Variants in PDE4D observed in about 807,000 individuals in gnomAD.
PDE4D encodes the protein phosphodiesterase 4D, also known as 3',5'-cyclic-AMP phosphodiesterase 4D.
A neutral mutation model predicts 87.4 loss-of-function variants in PDE4D; 24 were observed. That is an observed-to-expected ratio of 0.27 (90% CI 0.20 to 0.39). PDE4D has a LOEUF of 0.39. PDE4D is among the 10% of genes least tolerant of loss of function. The probability of loss-of-function intolerance (pLI) is 1.00; values close to 1 mark genes in which losing one functional copy is unlikely to be tolerated. For synonymous variants in PDE4D, 384 were observed against 383.2 expected, an observed-to-expected ratio of 1.00 and a Z score of -0.02; for missense variants, 714 against 1,041.0, an observed-to-expected ratio of 0.69 and a Z score of 4.32.
chr5:60,277,210 TACAAG>T (rs1192246914), intron 1 of PDE4D, among the ~76,000 whole-genome samples: 1 of 152,062 alleles, frequency 6.6e-6, no homozygotes, highest in Non-Finnish European at 1.5e-5. Flanking sequence ...TAAAAGCCAG[TACAAG>T]ACAAGGATCC....
intron 1 of PDE4D, among the ~76,000 whole-genome samples, chr5:59,698,378 C>T (rs1192644122): frequency 6.6e-6 from 1 of 151,984 alleles, no homozygotes; most frequent in Admixed American, 6.6e-5. Context: ...TTCTACATTG[C>T]ATGGATATTT....
intron 1 of PDE4D, among the ~76,000 whole-genome samples, chr5:59,669,595 A>C (rs997939316): frequency 6.6e-6 from 1 of 152,170 alleles, no homozygotes; most frequent in East Asian, 1.9e-4. Flanking sequence ...GAGTTTTTCT[A>C]TGGCATGCTG....
intron 3 of PDE4D, among the ~76,000 whole-genome samples, chr5:59,934,561 G>A (rs1322233977): frequency 1.3e-5 from 2 of 152,156 alleles, no homozygotes; most frequent in Non-Finnish European, 2.9e-5. Context: ...GAGAAGAGAT[G>A]GAGCCTTGAA....
Position 59,466,424 on chromosome 5 carries a change from TG to T in PDE4D, c.456-250457del, listed in dbSNP as rs150933637. 2.1e-3 allele frequency among the ~76,000 whole-genome samples: 324 copies of T among 152,320 alleles called. 11 individuals carry two copies. In the East Asian group the frequency reaches 0.051, roughly 24 times the overall value. The stretch of plus-strand genomic sequence containing the variant: ...CAAGCCCAAATTGTTTTCTGTGGTA[TG>T]AGGCTGGGTTCAATGCTCTTTACAC... On this transcript the variant is annotated intron_variant, in intron 1 of 14. Coordinates refer to ENST00000340635, the MANE Select transcript of PDE4D (RefSeq NM_001104631.2).
chr5:59,867,300 A>G (rs1747181092), intron 1 of PDE4D, among the ~76,000 whole-genome samples: 1 of 152,118 alleles, frequency 6.6e-6, no homozygotes, highest in Non-Finnish European at 1.5e-5. Flanking sequence ...GAAACTAATG[A>G]GCTTCAATGA....
At chr5:59,365,841 T>C (rs1782964524) in intron 1 of PDE4D, among the ~76,000 whole-genome samples, 1 of 152,188 alleles carries the variant, frequency 6.6e-6, no homozygotes, top group African/African-American at 2.4e-5. Context: ...GCTCACACAT[T>C]AAAACTGACA....
intron 11 of PDE4D, among the ~76,000 whole-genome samples, chr5:58,980,800 G>C (rs1318913542): frequency 6.6e-6 from 1 of 152,060 alleles, no homozygotes; most frequent in African/African-American, 2.4e-5. Flanking sequence ...ATAGACATAT[G>C]TATGAGTGTG....
chr5:58,989,505 T>C (rs577192908), intron 10 of PDE4D, among the ~76,000 whole-genome samples: 2 of 152,076 alleles, frequency 1.3e-5, no homozygotes, highest in East Asian at 3.9e-4. Flanking sequence ...CTTTATGAAA[T>C]GTTCAGTGGA....
chr5:60,334,246 C>T (rs886825492), intron 1 of PDE4D, among the ~76,000 whole-genome samples: 1 of 152,164 alleles, frequency 6.6e-6, no homozygotes, highest in Non-Finnish European at 1.5e-5. Flanking sequence ...TGGTAGCCCA[C>T]ATTCAATCAT....
chr5:60,042,523 G>A (rs920771708), intron 2 of PDE4D, among the ~76,000 whole-genome samples: 4 of 152,272 alleles, frequency 2.6e-5, no homozygotes, highest in South Asian at 2.1e-4. Flanking sequence ...AGCAGGGGTC[G>A]ACAGACACCT....
At chr5:59,063,825 G>A (rs541282871) in intron 5 of PDE4D, among the ~76,000 whole-genome samples, 6 of 152,266 alleles carry the variant, frequency 3.9e-5, no homozygotes, top group African/African-American at 1.4e-4. Context: ...TGGCAGGGGT[G>A]TGGGAAATGA....
chr5:60,261,622 A>T (rs1230745778), intron 1 of PDE4D, among the ~76,000 whole-genome samples: 2 of 152,152 alleles, frequency 1.3e-5, no homozygotes, highest in African/African-American at 4.8e-5. Context: ...GCTCATAATG[A>T]AAGAAAGAGG....
chr5:59,185,114 C>G, intron 4 of PDE4D, 75 bp downstream of exon 4: 1 of 1,122,616 alleles, frequency 8.9e-7, no homozygotes, highest in Non-Finnish European at 1.3e-6. Context: ...TAACATATTG[C>G]CTTGGGCTCA....
chr5:59,714,704 T>G (rs1338534617), intron 1 of PDE4D, among the ~76,000 whole-genome samples: 1 of 152,238 alleles, frequency 6.6e-6, no homozygotes, highest in Non-Finnish European at 1.5e-5. Context: ...AAGGTGACAG[T>G]GGACTTTCAT....
At chr5:60,272,242 A>C (rs535816939) in intron 1 of PDE4D, among the ~76,000 whole-genome samples, 1 of 152,340 alleles carries the variant, frequency 6.6e-6, no homozygotes, top group Admixed American at 6.5e-5. Flanking sequence ...ACATGGTAAA[A>C]CTAAGATGAC....
intron 2 of PDE4D, among the ~76,000 whole-genome samples, chr5:60,062,857 T>C (rs1331839085): frequency 1.3e-5 from 2 of 151,312 alleles, no homozygotes; most frequent in Non-Finnish European, 2.9e-5. Context: ...TAAGTGGGAG[T>C]TGAACAATGG....
intron 1 of PDE4D, among the ~76,000 whole-genome samples, chr5:59,337,112 A>T (rs1777800054): frequency 6.6e-6 from 1 of 152,138 alleles, no homozygotes; most frequent in South Asian, 2.1e-4. Context: ...GAACACAAAA[A>T]GAGGAGAAGG....
chr5:59,066,233 A>G (rs1475178204), intron 5 of PDE4D, among the ~76,000 whole-genome samples: 1 of 152,134 alleles, frequency 6.6e-6, no homozygotes, highest in Non-Finnish European at 1.5e-5. Flanking sequence ...TTCTAGAGCA[A>G]CTGTGTGATA....
At chr5:59,039,219 C>T in intron 5 of PDE4D, 5 of 1,272,284 alleles carry the variant, frequency 3.9e-6, no homozygotes, top group Non-Finnish European at 5.0e-6. Flanking sequence ...CCAGGGAGGG[C>T]GTGCAAAGAG....
Sources: gnomAD v4.1 joint callset for allele counts (sites outside exome capture counted in the v4.1 genomes callset) on GRCh38, gnomAD v4.1.1 for gene constraint, MANE v1.5 for transcripts, NCBI Gene and HGNC (gene_info 2026-07-23, HGNC 2026-07-21) for gene names.